The following SGCZ variants were observed in gnomAD, a reference collection of about 807,000 sequenced individuals.
SGCZ encodes the protein zeta-sarcoglycan.
Under a neutral mutation model 41.3 loss-of-function variants are expected in SGCZ, and 40 were observed. That is an observed-to-expected ratio of 0.97 (90% CI 0.75 to 1.26). SGCZ has a LOEUF of 1.26. SGCZ is among the 50% of genes most tolerant of loss of function. The probability of loss-of-function intolerance (pLI) is 0.00; values close to 1 mark genes in which losing one functional copy is unlikely to be tolerated. For synonymous variants in SGCZ, 206 were observed against 137.5 expected (o/e 1.50, Z -3.49); for missense variants, 552 against 369.8 (o/e 1.49, Z -4.04).
intron 1 of SGCZ, among the ~76,000 whole-genome samples, chr8:15,068,395 C>T (rs548930920): frequency 6.6e-6 from 1 of 152,194 alleles, no homozygotes; most frequent in Non-Finnish European, 1.5e-5. Flanking sequence ...AATATGTAAT[C>T]ATTATCACAT....
At chr8:14,549,003 G>T (rs1803716939) in intron 2 of SGCZ, among the ~76,000 whole-genome samples, 1 of 152,004 alleles carries the variant, frequency 6.6e-6, no homozygotes, top group Non-Finnish European at 1.5e-5. Flanking sequence ...TTTCTAGAGG[G>T]GTTGTAAAGA....
intron 1 of SGCZ, among the ~76,000 whole-genome samples, chr8:15,230,817 C>A (rs548168670): frequency 2.0e-5 from 3 of 152,280 alleles, no homozygotes; most frequent in African/African-American, 7.2e-5. Context: ...GTTTCGAAGA[C>A]ATTGGACAAA....
chr8:14,374,320 G>A (rs1001257929), intron 2 of SGCZ, among the ~76,000 whole-genome samples: 4 of 152,142 alleles, frequency 2.6e-5, no homozygotes, highest in African/African-American at 7.2e-5. Context: ...TCACCAGTAT[G>A]GGTGACAGAG....
chr8:14,122,687 G>C lies in SGCZ; in HGVS notation c.548-14452C>G, dbSNP rs201620738. On this transcript the variant is annotated intron_variant, in intron 5 of 7. Coordinates refer to ENST00000382080, the MANE Select transcript of SGCZ (RefSeq NM_139167.4). ...TTAAAGAGTCATAACATCTTCACTGGCTAATTCCAGTTAGCAGCCATATTT... is the reference window on the plus strand; with the variant it reads ...TTAAAGAGTCATAACATCTTCACTGCCTAATTCCAGTTAGCAGCCATATTT... 3.3e-5 allele frequency among the ~76,000 whole-genome samples: 5 copies of C among 152,176 alleles called. No individual in the cohort carries two copies. In the East Asian group the frequency reaches 7.7e-4, roughly 24 times the overall value.
chr8:14,618,780 A>T (rs762129644), intron 1 of SGCZ, among the ~76,000 whole-genome samples: 4 of 152,188 alleles, frequency 2.6e-5, no homozygotes, highest in Admixed American at 6.6e-5. Flanking sequence ...AAATGAACAG[A>T]GTATATGTAA....
intron 5 of SGCZ, among the ~76,000 whole-genome samples, chr8:14,152,444 G>T (rs998953373): frequency 6.6e-6 from 1 of 152,090 alleles, no homozygotes; most frequent in East Asian, 1.9e-4. Flanking sequence ...TGGGAGGATC[G>T]CTTGAGCCCA....
intron 2 of SGCZ, among the ~76,000 whole-genome samples, chr8:14,423,023 G>T (rs1585489486): frequency 6.6e-6 from 1 of 152,198 alleles, no homozygotes; most frequent in East Asian, 1.9e-4. Flanking sequence ...GTGAGACCCT[G>T]TATTAAAAAC....
chr8:14,896,376 AG>A (rs1805198924), intron 1 of SGCZ, among the ~76,000 whole-genome samples: 1 of 152,224 alleles, frequency 6.6e-6, no homozygotes, highest in South Asian at 2.1e-4. Flanking sequence ...CTCTGGTGTC[AG>A]GCAGAGTTAC....
chr8:15,218,333 A>T (rs1447091055), intron 1 of SGCZ, among the ~76,000 whole-genome samples: 1 of 152,182 alleles, frequency 6.6e-6, no homozygotes, highest in African/African-American at 2.4e-5. Context: ...ACCTGAGACT[A>T]GTTTAGCAAA....
chr8:14,249,249 T>C (rs1322449635), intron 3 of SGCZ, among the ~76,000 whole-genome samples: 1 of 152,184 alleles, frequency 6.6e-6, no homozygotes, highest in East Asian at 1.9e-4. Flanking sequence ...TCTCTTGCTT[T>C]TGAATTCAGA....
At chr8:14,637,035 A>G (rs1806852591) in intron 1 of SGCZ, among the ~76,000 whole-genome samples, 1 of 151,484 alleles carries the variant, frequency 6.6e-6, no homozygotes, top group South Asian at 2.1e-4. Flanking sequence ...CTTCATTGCA[A>G]TCTCCTATTT....
At chr8:15,146,442 T>C (rs198529) in intron 1 of SGCZ, among the ~76,000 whole-genome samples, 120,863 of 152,146 alleles carry the variant, frequency 0.79, 48,564 homozygotes, top group East Asian at 1. Flanking sequence ...GGAATGATCA[T>C]GGCATACTAC....
At chr8:14,350,926 C>A (rs528759157) in intron 2 of SGCZ, among the ~76,000 whole-genome samples, 1 of 152,124 alleles carries the variant, frequency 6.6e-6, no homozygotes. Context: ...AATATATTCA[C>A]TGCTAATATT....
At chr8:14,158,676 C>G (rs1442690744) in intron 5 of SGCZ, among the ~76,000 whole-genome samples, 1 of 152,194 alleles carries the variant, frequency 6.6e-6, no homozygotes, top group Non-Finnish European at 1.5e-5. Context: ...GAGCAGCCAG[C>G]AGTGCAAATA....
intron 1 of SGCZ, among the ~76,000 whole-genome samples, chr8:14,789,523 TGA>T (rs767032950): frequency 9.6e-4 from 146 of 152,302 alleles, no homozygotes; most frequent in Non-Finnish European, 1.2e-3. Flanking sequence ...CCAAAATATA[TGA>T]GTTTACAATT....
intron 1 of SGCZ, among the ~76,000 whole-genome samples, chr8:15,164,432 G>A (rs1020175425): frequency 1.8e-4 from 28 of 152,098 alleles, no homozygotes; most frequent in Non-Finnish European, 3.4e-4. Flanking sequence ...CATGGTCCAC[G>A]GGTTTGGGAG....
intron 7 of SGCZ, among the ~76,000 whole-genome samples, chr8:14,096,427 A>G (rs1409222142): frequency 1.3e-5 from 2 of 152,196 alleles, no homozygotes. Flanking sequence ...GGATATGTTG[A>G]ACCAGCCTTG....
At position 14,433,191 on chromosome 8, in the gene SGCZ, T is replaced by G. The variant is rs542594003; in HGVS notation, c.235-108987A>C. On this transcript the variant is annotated intron_variant, in intron 2 of 7. Coordinates refer to ENST00000382080, the MANE Select transcript of SGCZ (RefSeq NM_139167.4). The stretch of plus-strand genomic sequence containing the variant: ...ATATTAACATTTTATTGGGAAATGC[T>G]ACCTGGGATTAAGCAACTGCAAAAA... 2.0e-5 allele frequency among the ~76,000 whole-genome samples: 3 copies of G among 152,258 alleles called. No individual in the cohort carries two copies. In the South Asian group the frequency reaches 6.2e-4, roughly 32 times the overall value.
rs73521669 is a variant in SGCZ at position 14,637,793 on chromosome 8, A to G, written c.40-82867T>C. 5.8e-3 allele frequency among the ~76,000 whole-genome samples: 879 copies of G among 151,902 alleles called. 8 individuals are homozygous for G. Among genetic ancestry groups the G allele is most frequent in the African/African-American group, 0.02 (839 of 41,498 alleles). The stretch of plus-strand genomic sequence containing the variant: ...TGCTGCAAAAAATATGCATGCATGT[A>G]TCTTTTTGGTGGAACAATTTATGTT... On this transcript the variant is annotated intron_variant, in intron 1 of 7. Transcript: ENST00000382080.
Sources: allele counts gnomAD v4.1 joint callset (sites outside exome capture counted in the v4.1 genomes callset), GRCh38; gene constraint gnomAD v4.1.1; transcripts MANE v1.5; gene names NCBI Gene and HGNC (gene_info 2026-07-23, HGNC 2026-07-21).